CRTC1: variants seen among roughly 807,000 people sequenced by gnomAD.
CRTC1 encodes CREB regulated transcription coactivator 1, also known as CREB-regulated transcription coactivator 1.
A neutral mutation model predicts 66.1 loss-of-function variants in CRTC1; 18 were observed. That is an observed-to-expected ratio of 0.27 (90% CI 0.19 to 0.40). The LOEUF is 0.40. Ranked by LOEUF, CRTC1 falls within the 10% of genes least tolerant of loss-of-function variation. The pLI is 1.00. For missense variants in CRTC1, 669 were observed against 887.9 expected, an observed-to-expected ratio of 0.75 and a Z score of 3.13; for synonymous variants, 416 against 398.8, an observed-to-expected ratio of 1.04 and a Z score of -0.51.
rs79339005 is a variant in CRTC1 at position 18,718,977 on chromosome 19, T to C, written c.127-23933T>C. Among the ~76,000 whole-genome samples the C allele has an allele frequency of 6.0e-3, 914 of 152,222 alleles. 18 individuals carry two copies. The highest frequency in any genetic ancestry group is 0.021 in the African/African-American group (864 of 41,520). On this transcript the variant is annotated intron_variant, in intron 1 of 13. Coordinates refer to ENST00000321949, the MANE Select transcript of CRTC1 (RefSeq NM_015321.3). ...ATAAAGAGAAGAAAATGAAGGAGTCTCGGCAGCCACTTGCAGAGGGAGCAG... is the reference window on the plus strand; with the variant it reads ...ATAAAGAGAAGAAAATGAAGGAGTCCCGGCAGCCACTTGCAGAGGGAGCAG...
intron 1 of CRTC1, among the ~76,000 whole-genome samples, chr19:18,737,765 T>TCCC (rs1408397897): frequency 1.3e-5 from 2 of 151,504 alleles, no homozygotes; most frequent in Non-Finnish European, 2.9e-5. Context: ...CTCCTCCTCC[T>TCCC]CCCTTTTCCT....
intron 1 of CRTC1, among the ~76,000 whole-genome samples, chr19:18,701,479 G>A (rs57668070): frequency 7.2e-4 from 109 of 152,384 alleles, no homozygotes; most frequent in African/African-American, 2.5e-3. Context: ...GAGCAGGATC[G>A]CACCTTGTTC....
In CRTC1 at chr19:18,771,393, C is replaced by T. The variant is rs558603360; in HGVS notation, c.1321-49C>T. The T allele has an allele frequency of 6.7e-5, 102 of 1,519,922 alleles. No homozygotes were observed. The highest frequency in any genetic ancestry group is 4.2e-4 in the South Asian group (35 of 82,370). The allele number at this position is 1,519,922 out of a possible 1,614,324, so 94.2% of individuals were successfully genotyped here. On this transcript the variant is annotated intron_variant, in intron 10 of 13. Transcript: ENST00000321949. The surrounding 1 kb of genome is among the most constrained non-coding windows in gnomAD (Gnocchi z 4.6). ...CTCCCGGGAAGCAGGGACTGGAGCC[C>T]GGGCTTGGGCAGCTGGGCTGCGGCG... is the stretch of plus-strand genomic sequence containing the variant.
At chr19:18,737,869 T>A (rs909319989) in intron 1 of CRTC1, among the ~76,000 whole-genome samples, 1 of 152,194 alleles carries the variant, frequency 6.6e-6, no homozygotes, top group Admixed American at 6.5e-5. Context: ...TTTCTCTTCC[T>A]TAATGATTTT....
chr19:18,753,230 T>G (rs1336502651), intron 5 of CRTC1, among the ~76,000 whole-genome samples: 2 of 151,776 alleles, frequency 1.3e-5, no homozygotes, highest in African/African-American at 4.8e-5. Flanking sequence ...GAGCTGAGAT[T>G]GTGCCACTGC....
chr19:18,731,302 C>T (rs1330247854), intron 1 of CRTC1, among the ~76,000 whole-genome samples: 19 of 152,168 alleles, frequency 1.2e-4, no homozygotes, highest in Non-Finnish European at 2.8e-4. Context: ...CAGTCTCAGG[C>T]CCCTTTCCAG....
chr19:18,744,187 T>C (rs778357661), intron 2 of CRTC1: 34 of 1,603,462 alleles, frequency 2.1e-5, no homozygotes, highest in Non-Finnish European at 2.7e-5. Context: ...GGCCGCGGCG[T>C]CCCCGGCGCC....
chr19:18,740,349 GT>G (rs2054085347), intron 1 of CRTC1, among the ~76,000 whole-genome samples: 2 of 152,052 alleles, frequency 1.3e-5, no homozygotes, highest in African/African-American at 4.8e-5. Flanking sequence ...TGAACAGTGC[GT>G]AATTCTCCCA....
intron 1 of CRTC1, among the ~76,000 whole-genome samples, chr19:18,719,498 A>G (rs1303462795): frequency 6.6e-6 from 1 of 152,244 alleles, no homozygotes; most frequent in Non-Finnish European, 1.5e-5. Flanking sequence ...GGTGTTATGT[A>G]ACTCCATAGT....
chr19:18,729,479 T>C (rs1230456905), intron 1 of CRTC1, among the ~76,000 whole-genome samples: 1 of 149,420 alleles, frequency 6.7e-6, no homozygotes, highest in Non-Finnish European at 1.5e-5. Flanking sequence ...GTGTGGTGGC[T>C]CATGTCTGTA....
Position 18,781,184 on chromosome 19 carries a change from G to A in CRTC1, c.*3802G>A. The A allele has an allele frequency of 4.4e-6, 1 of 227,068 alleles. No homozygotes were observed. The highest frequency in any genetic ancestry group is 8.8e-6 in the Non-Finnish European group (1 of 114,258). 14.1% of individuals were successfully genotyped at this position (227,068 alleles called of 1,614,324 possible). A position where few individuals can be genotyped will look rare whatever the true frequency, so the allele number is the denominator to read the frequency against. ...GCCGATGGCACAGATGTGCCCCTGG[G>A]CCTGGCCCGTCACCCACATGTGGTG... is the stretch of plus-strand genomic sequence containing the variant. On this transcript the variant is annotated 3_prime_UTR_variant, in exon 14 of 14. Transcript: ENST00000321949.
In CRTC1 at chr19:18,768,256, G is replaced by A. The variant is rs975659741; in HGVS notation, c.1012-229G>A. Among the ~76,000 whole-genome samples the A allele has an allele frequency of 2.6e-5, 4 of 152,198 alleles. No individual in the cohort carries two copies. The highest frequency in any genetic ancestry group is 9.6e-5 in the African/African-American group (4 of 41,456). ...AGTGCGGGTGCAGGCACAACAAGCTGGAGGAGGTCAGGTCCTGCCCAGCTC... is the reference window on the plus strand; with the variant it reads ...AGTGCGGGTGCAGGCACAACAAGCTAGAGGAGGTCAGGTCCTGCCCAGCTC... On this transcript the variant is annotated intron_variant, in intron 9 of 13. Coordinates refer to ENST00000321949, the MANE Select transcript of CRTC1 (RefSeq NM_015321.3). This position sits in a 1 kb window ranked among gnomAD's most constrained non-coding sequence, Gnocchi z 5.6.
rs971808945 is a variant in CRTC1, at chr19:18,741,917, C to G, written c.127-993C>G. On this transcript the variant is annotated intron_variant, in intron 1 of 13. Transcript: ENST00000321949. The surrounding 1 kb of genome is among the most constrained non-coding windows in gnomAD (Gnocchi z 4.2). ...GGTGGGGCAGCCAGCTCTCCACGCA[C>G]TGCCAGGAGCTGTTTGTAAGGAACG... Among the ~76,000 whole-genome samples the G allele has an allele frequency of 6.6e-6, 1 of 152,266 alleles. No individual in the cohort carries two copies. Among genetic ancestry groups the G allele is most frequent in the Admixed American group, 6.5e-5 (1 of 15,306 alleles).
At chr19:18,753,167 T>A (rs1039296600) in intron 5 of CRTC1, among the ~76,000 whole-genome samples, 4 of 151,722 alleles carry the variant, frequency 2.6e-5, no homozygotes, top group Non-Finnish European at 5.9e-5. Context: ...TCCCAGCTAC[T>A]TGGGAGGCTG....
chr19:18,736,571 AG>A (rs1305498518), intron 1 of CRTC1, among the ~76,000 whole-genome samples: 1 of 151,966 alleles, frequency 6.6e-6, no homozygotes, highest in Admixed American at 6.5e-5. Flanking sequence ...CGGTGGGCCC[AG>A]GGGGAAGAGC....
chr19:18,714,239 G>T (rs2053456145), intron 1 of CRTC1, among the ~76,000 whole-genome samples: 1 of 152,182 alleles, frequency 6.6e-6, no homozygotes, highest in Admixed American at 6.5e-5. Context: ...ATGCAGCCAT[G>T]ATGCAGCTTC....
intron 5 of CRTC1, among the ~76,000 whole-genome samples, chr19:18,751,386 T>C (rs533888346): frequency 1.3e-5 from 2 of 151,480 alleles, no homozygotes; most frequent in African/African-American, 4.9e-5. Context: ...TAACTGGGAG[T>C]GTTTGCACGT....
At chr19:18,687,879 G>A (rs1339788930) in intron 1 of CRTC1, among the ~76,000 whole-genome samples, 6 of 152,132 alleles carry the variant, frequency 3.9e-5, no homozygotes, top group Non-Finnish European at 1.5e-5. Flanking sequence ...TGGGTGTGTG[G>A]GCGTTCCCTC....
rs555822276 is a variant in CRTC1 at position 18,704,927 on chromosome 19, C to T, written c.126+21099C>T. Among the ~76,000 whole-genome samples, 6 of 148,474 alleles carry T rather than the reference C, an allele frequency of 4.0e-5. No individual in the cohort carries two copies. In the East Asian group the frequency reaches 6.0e-4, roughly 15 times the overall value. ...CCTACCCCCCAATCCCCAACCCCCA[C>T]CCTCCTACTACCCTCCATTCCCTCC... On this transcript the variant is annotated intron_variant, in intron 1 of 13. Transcript: ENST00000321949.
Sources: gnomAD v4.1 joint callset for allele counts (sites outside exome capture counted in the v4.1 genomes callset) on GRCh38, gnomAD v4.1.1 for gene constraint, Gnocchi (gnomAD v3.1) non-coding constraint, MANE v1.5 for transcripts, NCBI Gene and HGNC (gene_info 2026-07-23, HGNC 2026-07-21) for gene names.